FOCAD: variants seen among roughly 807,000 people sequenced by gnomAD.
FOCAD encodes KIAA1797.
In FOCAD, 198 loss-of-function variants were observed where a neutral mutation model predicts 225.6. The observed-to-expected ratio is 0.88, with a 90% CI of 0.78 to 0.99. The LOEUF (loss-of-function observed/expected upper bound fraction) is 0.99. FOCAD is among the 50% of genes least tolerant of loss of function. The probability of loss-of-function intolerance (pLI) is 0.00; values close to 1 mark genes in which losing one functional copy is unlikely to be tolerated. For missense variants in FOCAD, 2,713 were observed against 2,123.6 expected, an observed-to-expected ratio of 1.28 and a Z score of -5.46; for synonymous variants, 897 against 755.0, an observed-to-expected ratio of 1.19 and a Z score of -3.08.
intron 41 of FOCAD, 71 bp downstream of exon 41, chr9:20,988,500 T>G (rs540010657): frequency 1.6e-6 from 1 of 630,790 alleles, no homozygotes; most frequent in East Asian, 4.2e-5. Flanking sequence ...GCAAAAGTAA[T>G]TGCGGTTTTG....
At chr9:20,889,613 A>G (rs1831437339) in intron 21 of FOCAD, among the ~76,000 whole-genome samples, 1 of 152,154 alleles carries the variant, frequency 6.6e-6, no homozygotes, top group Non-Finnish European at 1.5e-5. Context: ...TTGTGCTTTC[A>G]CCGCAATGAC....
In FOCAD at chr9:20,986,428, C is replaced by T. The variant is rs1272409102; in HGVS notation, c.4869C>T (p.Ser1623=). The T allele has an allele frequency of 6.2e-7, 1 of 1,612,488 alleles. No individual in the cohort carries two copies. The highest frequency in any genetic ancestry group is 1.1e-5 in the South Asian group (1 of 90,942). Residue 1623 remains serine, a synonymous_variant, in exon 40 of 44, where the codon AGC becomes AGT. Coordinates refer to ENST00000338382, the MANE Select transcript of FOCAD (RefSeq NM_001375567.1). ...KEVLAWMILH[S]LYQARIVSHA... Reference sequence around the variant, plus strand: ...TGTTGGCCTGGATGATTCTGCACAGCTTATACCAGGCACGGATTGTGAGCC... The same window carrying T: ...TGTTGGCCTGGATGATTCTGCACAGTTTATACCAGGCACGGATTGTGAGCC...
rs575847511 is a variant in FOCAD, at chr9:20,733,921, A to T, written c.288-6315A>T. 4.6e-5 allele frequency among the ~76,000 whole-genome samples: 7 copies of T among 152,300 alleles called. No individual in the cohort carries two copies. In the South Asian group the frequency reaches 1.5e-3, roughly 32 times the overall value. On this transcript the variant is annotated intron_variant, in intron 4 of 43. Transcript: ENST00000338382. ...GAGGCTTAGGTTCGAGCATCACTTG[A>T]GCTCAAGAGGTCGAGGCTGCAGTGA...
chr9:20,674,191 A>T (rs1180140796), intron 2 of FOCAD, among the ~76,000 whole-genome samples: 1 of 152,208 alleles, frequency 6.6e-6, no homozygotes, highest in Non-Finnish European at 1.5e-5. Context: ...TAGTATTAGA[A>T]ATAAATATAT....
chr9:20,749,896 G>C (rs1433291164), intron 5 of FOCAD, among the ~76,000 whole-genome samples: 1 of 152,004 alleles, frequency 6.6e-6, no homozygotes, highest in Admixed American at 6.6e-5. Flanking sequence ...GTTTATACTT[G>C]GAAAGGTGAA....
intron 1 of FOCAD, among the ~76,000 whole-genome samples, chr9:20,714,704 CTCTT>C (rs1357414144): frequency 1.3e-5 from 2 of 150,156 alleles, no homozygotes; most frequent in South Asian, 2.1e-4. Flanking sequence ...TCCTTCCTCT[CTCTT>C]TCTCTCTTTC....
At chr9:20,862,907 A>C in intron 16 of FOCAD, 195 bp downstream of exon 16, 1 of 417,866 alleles carries the variant, frequency 2.4e-6, no homozygotes, top group Middle Eastern at 6.3e-4. Flanking sequence ...TACATAAAGG[A>C]TACCAACTTT....
chr9:20,980,106 CTTTA>C (rs538008667), intron 37 of FOCAD, among the ~76,000 whole-genome samples: 53 of 151,380 alleles, frequency 3.5e-4, no homozygotes, highest in Middle Eastern at 3.5e-3. Flanking sequence ...CTAAAATAAC[CTTTA>C]TTTATATAAT....
At chr9:20,855,652 T>A (rs1200460606) in intron 15 of FOCAD, among the ~76,000 whole-genome samples, 1 of 151,668 alleles carries the variant, frequency 6.6e-6, no homozygotes, top group Non-Finnish European at 1.5e-5. Flanking sequence ...AATAAATTAT[T>A]GTTAACTGTT....
intron 35 of FOCAD, among the ~76,000 whole-genome samples, chr9:20,954,219 CAGTT>C (rs1247026728): frequency 1.3e-5 from 2 of 152,026 alleles, no homozygotes; most frequent in African/African-American, 2.4e-5. Flanking sequence ...ACGTAATGTA[CAGTT>C]AGTTCATTGT....
intron 11 of FOCAD, among the ~76,000 whole-genome samples, chr9:20,795,275 A>G (rs1344071851): frequency 1.4e-4 from 21 of 152,218 alleles, no homozygotes; most frequent in Admixed American, 1.4e-3. Flanking sequence ...AGGAAAATAA[A>G]TGTTTAAAAA....
intron 4 of FOCAD, among the ~76,000 whole-genome samples, chr9:20,725,766 C>G (rs983513241): frequency 3.9e-5 from 6 of 152,162 alleles, no homozygotes; most frequent in Admixed American, 6.5e-5. Context: ...TTGCAATGAT[C>G]TGGTTGTCTA....
At chr9:20,769,038 T>G (rs942336259) in intron 7 of FOCAD, among the ~76,000 whole-genome samples, 1 of 152,182 alleles carries the variant, frequency 6.6e-6, no homozygotes, top group Non-Finnish European at 1.5e-5. Flanking sequence ...CAAGTAAACA[T>G]TAGGCTTTAT....
intron 5 of FOCAD, among the ~76,000 whole-genome samples, chr9:20,744,032 G>C (rs1383095073): frequency 6.6e-6 from 1 of 152,196 alleles, no homozygotes; most frequent in Admixed American, 6.5e-5. Context: ...TAAAGGAAAA[G>C]CACTCCAAAG....
chr9:20,861,244 GT>G (rs1428924843), intron 15 of FOCAD, among the ~76,000 whole-genome samples: 5 of 152,158 alleles, frequency 3.3e-5, no homozygotes, highest in African/African-American at 1.2e-4. Context: ...AAGGTGTCAA[GT>G]TTTTGAAGGA....
intron 11 of FOCAD, among the ~76,000 whole-genome samples, chr9:20,808,191 C>G (rs549949794): frequency 1.3e-5 from 2 of 152,138 alleles, no homozygotes; most frequent in African/African-American, 4.8e-5. Context: ...ATACTAAGAG[C>G]GCGATGGAAT....
At chr9:20,819,731 T>C (rs183838088) in intron 11 of FOCAD, 65 bp from the exon 12 acceptor site, 96 of 788,072 alleles carry the variant, frequency 1.2e-4, no homozygotes, top group Admixed American at 3.1e-4. Flanking sequence ...AAGAGATAAA[T>C]ATTCCATTAT....
intron 2 of FOCAD, among the ~76,000 whole-genome samples, chr9:20,674,073 T>G (rs1246156221): frequency 6.6e-6 from 1 of 152,190 alleles, no homozygotes; most frequent in African/African-American, 2.4e-5. Flanking sequence ...TGCAGTCAGT[T>G]TGTCACAAGA....
intron 15 of FOCAD, among the ~76,000 whole-genome samples, chr9:20,826,155 G>A (rs1205163681): frequency 1.3e-5 from 2 of 152,066 alleles, no homozygotes; most frequent in African/African-American, 4.8e-5. Context: ...TATTGTTCTT[G>A]GGTGCATCTC....
Sources: allele counts gnomAD v4.1 joint callset (sites outside exome capture counted in the v4.1 genomes callset), GRCh38; gene constraint gnomAD v4.1.1; transcripts MANE v1.5; gene names NCBI Gene and HGNC (gene_info 2026-07-23, HGNC 2026-07-21).